Variants in TMEM217B observed in about 807,000 individuals in gnomAD.
TMEM217B encodes the protein putative transmembrane protein 217B.
chr6:37,224,614 C>T, the TMEM217B span, among the ~76,000 whole-genome samples: 16 of 48,876 alleles, frequency 3.3e-4, no homozygotes, highest in East Asian at 3.4e-3. Context: ...AACAAACAAA[C>T]GAAAAAAAAA....
chr6:37,215,876 C>T, the TMEM217B span, among the ~76,000 whole-genome samples: 1 of 152,014 alleles, frequency 6.6e-6, no homozygotes, highest in South Asian at 2.1e-4. Flanking sequence ...AGCAAGTTTG[C>T]CTTGGCTTGA....
At chr6:37,212,404 T>G in the TMEM217B span, 3,044 of 395,824 alleles carry the variant, frequency 7.7e-3, 69 homozygotes, top group African/African-American at 0.056. Context: ...TTTCCTGGCA[T>G]CTGGCATGGT....
At chr6:37,249,451 C>T in the TMEM217B span, among the ~76,000 whole-genome samples, 6 of 152,220 alleles carry the variant, frequency 3.9e-5, no homozygotes, top group Admixed American at 2.6e-4. Context: ...TCCCAAGTAG[C>T]TGGGACTATA....
chr6:37,252,603 GTGTGTA>G, the TMEM217B span, among the ~76,000 whole-genome samples: 8,939 of 46,404 alleles, frequency 0.19, 738 homozygotes, highest in African/African-American at 0.39. Context: ...GTGTGTGTGT[GTGTGTA>G]TGTGTGTGTA....
At chr6:37,224,354 T>C in the TMEM217B span, among the ~76,000 whole-genome samples, 2 of 151,176 alleles carry the variant, frequency 1.3e-5, no homozygotes, top group African/African-American at 4.9e-5. Flanking sequence ...ATCCCAGCAC[T>C]TTGGGAGGCT....
chr6:37,222,148 G>A, the TMEM217B span, among the ~76,000 whole-genome samples: 1 of 152,250 alleles, frequency 6.6e-6, no homozygotes, highest in Non-Finnish European at 1.5e-5. Context: ...GGAAGTGCAC[G>A]CAGATTGGTA....
the TMEM217B span, chr6:37,258,041 C>G: frequency 6.4e-7 from 1 of 1,556,072 alleles, no homozygotes; most frequent in Non-Finnish European, 8.7e-7. Context: ...TCCCTGAATC[C>G]CGCGGGCCTG....
At chr6:37,226,601 CAG>C in the TMEM217B span, among the ~76,000 whole-genome samples, 3 of 151,446 alleles carry the variant, frequency 2.0e-5, no homozygotes, top group Non-Finnish European at 4.4e-5. Flanking sequence ...CCGGCCGAGA[CAG>C]AGTCTTGCTC....
At chr6:37,258,032 C>G in the TMEM217B span, 1 of 1,574,884 alleles carries the variant, frequency 6.3e-7, no homozygotes, top group Middle Eastern at 1.8e-4. Context: ...AGATCCTAAT[C>G]CCTGAATCCC....
At chr6:37,226,446 C>A in the TMEM217B span, among the ~76,000 whole-genome samples, 523 of 151,420 alleles carry the variant, frequency 3.5e-3, 1 homozygote, top group Middle Eastern at 0.014. Flanking sequence ...GCGCCTGCCA[C>A]GGCGCCCAGC....
At chr6:37,237,038 T>C in the TMEM217B span, among the ~76,000 whole-genome samples, 2 of 152,198 alleles carry the variant, frequency 1.3e-5, no homozygotes, top group African/African-American at 4.8e-5. Context: ...GCAAGCCAGA[T>C]GGAAGCTGTA....
At chr6:37,246,431 C>T in the TMEM217B span, among the ~76,000 whole-genome samples, 1 of 152,142 alleles carries the variant, frequency 6.6e-6, no homozygotes, top group Non-Finnish European at 1.5e-5. Context: ...TTGAGGCAAA[C>T]TGTTACTTTT....
the TMEM217B span, among the ~76,000 whole-genome samples, chr6:37,247,880 T>A: frequency 6.6e-6 from 1 of 152,138 alleles, no homozygotes; most frequent in Non-Finnish European, 1.5e-5. Flanking sequence ...ATGCCATGAG[T>A]GTGAACAGCA....
chr6:37,216,587 C>A, the TMEM217B span, among the ~76,000 whole-genome samples: 1 of 152,210 alleles, frequency 6.6e-6, no homozygotes, highest in Non-Finnish European at 1.5e-5. Flanking sequence ...GACAGCCCAT[C>A]CTCTGAGGCG....
the TMEM217B span, among the ~76,000 whole-genome samples, chr6:37,226,320 T>C: frequency 7.5e-6 from 1 of 132,456 alleles, no homozygotes; most frequent in Non-Finnish European, 1.6e-5. Context: ...TGAGACAGAG[T>C]CTCGCTCTTT....
the TMEM217B span, among the ~76,000 whole-genome samples, chr6:37,233,191 A>G: frequency 1.3e-5 from 2 of 152,012 alleles, no homozygotes; most frequent in South Asian, 4.2e-4. Flanking sequence ...TATTTAAGTA[A>G]ATGATATTAA....
the TMEM217B span, among the ~76,000 whole-genome samples, chr6:37,229,504 G>GT: frequency 6.6e-6 from 1 of 151,498 alleles, no homozygotes; most frequent in Non-Finnish European, 1.5e-5. Flanking sequence ...CACCACGCCC[G>GT]GCTAATTTTT....
chr6:37,219,165 A>G, the TMEM217B span: 2 of 840,928 alleles, frequency 2.4e-6, no homozygotes, highest in African/African-American at 1.7e-5. Context: ...AAAACTGGGA[A>G]ACTATAGCCT....
the TMEM217B span, chr6:37,217,514 A>T: frequency 2.0e-6 from 1 of 489,294 alleles, no homozygotes; most frequent in East Asian, 1.5e-4. Flanking sequence ...CAGTGTTCAC[A>T]CTACAGAGTA....
Sources: allele counts gnomAD v4.1 joint callset (sites outside exome capture counted in the v4.1 genomes callset), GRCh38; gene constraint gnomAD v4.1.1; transcripts MANE v1.5; gene names NCBI Gene and HGNC (gene_info 2026-07-23, HGNC 2026-07-21).